The following SPECC1L variants were observed in gnomAD, a reference collection of about 807,000 sequenced individuals.
The protein encoded by SPECC1L is cytospin-A.
In SPECC1L, 40 loss-of-function variants were observed where a neutral mutation model predicts 116.8. That is an observed-to-expected ratio of 0.34 (90% CI 0.27 to 0.45). The LOEUF (loss-of-function observed/expected upper bound fraction) is 0.45, where lower values mean the gene tolerates loss of function less well. SPECC1L is among the 20% of genes least tolerant of loss of function. The probability of loss-of-function intolerance (pLI) is 1.00; values close to 1 mark genes in which losing one functional copy is unlikely to be tolerated. For synonymous variants in SPECC1L, 504 were observed against 500.6 expected, an observed-to-expected ratio of 1.01 and a Z score of -0.09; for missense variants, 1,110 against 1,373.6, an observed-to-expected ratio of 0.81 and a Z score of 3.03.
At chr22:24,350,666 G>A (rs1248738166) in intron 11 of SPECC1L, among the ~76,000 whole-genome samples, 1 of 152,150 alleles carries the variant, frequency 6.6e-6, no homozygotes, top group East Asian at 1.9e-4. Context: ...TCTTTAAAAA[G>A]CTCTATGTGT....
intron 2 of SPECC1L, among the ~76,000 whole-genome samples, chr22:24,277,809 G>A (rs550907551): frequency 1.1e-3 from 173 of 152,240 alleles, no homozygotes; most frequent in African/African-American, 4.1e-3. Context: ...GCCACTTTGG[G>A]CTATTAAGAA....
At chr22:24,336,217 C>G (rs6004137) in intron 9 of SPECC1L, among the ~76,000 whole-genome samples, 2 of 151,914 alleles carry the variant, frequency 1.3e-5, no homozygotes, top group Admixed American at 1.3e-4. Context: ...GCTCTGTGCG[C>G]TGCAATCCTT....
At chr22:24,354,044 C>G (rs1206286564) in intron 11 of SPECC1L, among the ~76,000 whole-genome samples, 2 of 152,142 alleles carry the variant, frequency 1.3e-5, no homozygotes, top group Non-Finnish European at 2.9e-5. Context: ...GAAGGCAAAT[C>G]AATAGCAGGA....
chr22:24,272,902 C>G (rs1236600228), intron 1 of SPECC1L, among the ~76,000 whole-genome samples: 1 of 152,060 alleles, frequency 6.6e-6, no homozygotes, highest in African/African-American at 2.4e-5. Flanking sequence ...AGAATGCTTC[C>G]TAATGGTTGC....
intron 2 of SPECC1L, among the ~76,000 whole-genome samples, chr22:24,294,179 C>T (rs1237298190): frequency 9.4e-6 from 1 of 105,832 alleles, no homozygotes; most frequent in East Asian, 2.5e-4. Flanking sequence ...CTCATACCTT[C>T]GAGGTGTACC....
chr22:24,292,631 T>C (rs1035464223), intron 2 of SPECC1L, among the ~76,000 whole-genome samples: 1 of 152,062 alleles, frequency 6.6e-6, no homozygotes, highest in African/African-American at 2.4e-5. Context: ...CTCTACTCAC[T>C]GTATGGGAGA....
intron 2 of SPECC1L, among the ~76,000 whole-genome samples, chr22:24,300,142 A>T (rs1054282081): frequency 5.9e-5 from 9 of 151,680 alleles, no homozygotes; most frequent in African/African-American, 2.2e-4. Flanking sequence ...CTCGTTCCCC[A>T]CCCCACAACA....
chr22:24,361,234 C>CA (rs2041636794), intron 11 of SPECC1L, among the ~76,000 whole-genome samples: 2 of 151,944 alleles, frequency 1.3e-5, no homozygotes, highest in African/African-American at 4.8e-5. Context: ...CTCATCTCTG[C>CA]AAAAAACTAG....
intron 3 of SPECC1L, among the ~76,000 whole-genome samples, chr22:24,307,579 G>A (rs2049525730): frequency 6.6e-6 from 1 of 151,858 alleles, no homozygotes; most frequent in Non-Finnish European, 1.5e-5. Flanking sequence ...TATGGGGTAT[G>A]TGTGTCTGTG....
chr22:24,340,291 G>A (rs1249231480), intron 10 of SPECC1L, among the ~76,000 whole-genome samples: 1 of 151,904 alleles, frequency 6.6e-6, no homozygotes, highest in Non-Finnish European at 1.5e-5. Flanking sequence ...AGGATTACAG[G>A]TGTGCACCAC....
At chr22:24,285,916 A>C (rs1160639475) in intron 2 of SPECC1L, among the ~76,000 whole-genome samples, 1 of 152,272 alleles carries the variant, frequency 6.6e-6, no homozygotes, top group East Asian at 1.9e-4. Context: ...CTGGGATTAC[A>C]GGCGTGAGCT....
chr22:24,318,239 A>C lies in SPECC1L; in HGVS notation c.308-3049A>C, dbSNP rs11912921. Among the ~76,000 whole-genome samples, 6 of 152,212 alleles carry C rather than the reference A, an allele frequency of 3.9e-5. No homozygotes were observed. In the South Asian group the frequency reaches 1.0e-3, roughly 26 times the overall value. On this transcript the variant is annotated intron_variant, in intron 4 of 16. Coordinates refer to ENST00000314328, the MANE Select transcript of SPECC1L (RefSeq NM_015330.6). The stretch of plus-strand genomic sequence containing the variant: ...ACTCCAGCCTGGGCACCATTGAGCA[A>C]TGAGTGAAGGAGACTCCGTCTGCAA...
At position 24,370,654 on chromosome 22, in the gene SPECC1L, C is replaced by T. The variant is rs566017663; in HGVS notation, c.3087+1334C>T. ...TTTGTGGCAGTGTTATTCACAGTAG[C>T]CAAAAAGTGGAAGCAACCCAAGTGT... On this transcript the variant is annotated intron_variant, in intron 14 of 16. Transcript: ENST00000314328. Among the ~76,000 whole-genome samples, 13 of 152,162 alleles carry T rather than the reference C, an allele frequency of 8.5e-5. No homozygotes were observed. The South Asian group carries it at 2.7e-3, about 32-fold the overall frequency.
rs536673098 is a variant in SPECC1L, at chr22:24,340,381, A to C, written c.2652+1904A>C. On this transcript the variant is annotated intron_variant, in intron 10 of 16. Transcript: ENST00000314328. ...AAGCTGGTCTCAAATTCCTGACCTC[A>C]AGCAATCTGCCCTCTTCAGCCTTCC... Among the ~76,000 whole-genome samples the C allele has an allele frequency of 4.9e-4, 74 of 152,178 alleles. 1 individual carries two copies. The highest frequency in any genetic ancestry group is 1.8e-3 in the African/African-American group (73 of 41,512).
chr22:24,307,408 T>G (rs1296393726), intron 3 of SPECC1L, among the ~76,000 whole-genome samples: 1 of 152,184 alleles, frequency 6.6e-6, no homozygotes, highest in East Asian at 1.9e-4. Context: ...TGTGAGCCCT[T>G]TATCATTTAT....
rs568563527 is a variant in SPECC1L at position 24,284,485 on chromosome 22, A to G, written c.-38+7682A>G. Among the ~76,000 whole-genome samples the G allele has an allele frequency of 2.0e-4, 30 of 152,142 alleles. No homozygotes were observed. The South Asian group carries it at 5.0e-3, about 25-fold the overall frequency. On this transcript the variant is annotated intron_variant, in intron 2 of 16. Transcript: ENST00000314328. ...AGTCTTGCTCTGTCGCCCAGGCTGG[A>G]GTGCAGTGGCGTGATCTCGGCTCAC...
At chr22:24,374,605 A>G (rs1339018300) in intron 14 of SPECC1L, among the ~76,000 whole-genome samples, 1 of 132,290 alleles carries the variant, frequency 7.6e-6, no homozygotes, top group Non-Finnish European at 1.6e-5. Flanking sequence ...AGGGGAACAT[A>G]ACACACAGGG....
chr22:24,384,911 C>G (rs1251156764), intron 14 of SPECC1L, among the ~76,000 whole-genome samples: 1 of 151,860 alleles, frequency 6.6e-6, no homozygotes, highest in African/African-American at 2.4e-5. Flanking sequence ...CCCGTCTCAA[C>G]TAAAAATACA....
At chr22:24,411,387 G>A (rs909283074) in intron 14 of SPECC1L, among the ~76,000 whole-genome samples, 1 of 152,144 alleles carries the variant, frequency 6.6e-6, no homozygotes, top group Non-Finnish European at 1.5e-5. Flanking sequence ...GACCACGTAG[G>A]GGCAGCCATC....
Sources: allele counts gnomAD v4.1 joint callset (sites outside exome capture counted in the v4.1 genomes callset), GRCh38; gene constraint gnomAD v4.1.1; transcripts MANE v1.5; gene names NCBI Gene and HGNC (gene_info 2026-07-23, HGNC 2026-07-21).